The following LTBP2 variants were observed in gnomAD, a reference collection of about 807,000 sequenced individuals.
LTBP2 encodes latent transforming growth factor beta binding protein 2.
A neutral mutation model predicts 210.6 loss-of-function variants in LTBP2; 103 were observed. The ratio of observed to expected loss-of-function variants is 0.49; its 90% CI spans 0.42 to 0.58. The LOEUF (loss-of-function observed/expected upper bound fraction) is 0.58. LTBP2 is among the 20% of genes least tolerant of loss of function. The pLI is 0.00. For missense variants in LTBP2, 2,313 were observed against 2,494.5 expected (o/e 0.93, Z 1.55); for synonymous variants, 1,007 against 1,015.0 (o/e 0.99, Z 0.15).
chr14:74,541,511 A>G (rs548875265), intron 8 of LTBP2, among the ~76,000 whole-genome samples: 1 of 152,334 alleles, frequency 6.6e-6, no homozygotes, highest in Non-Finnish European at 1.5e-5. Context: ...GGATGAGGTT[A>G]TGAAACAAAC....
chr14:74,510,515 G>A (rs956496022), intron 19 of LTBP2, among the ~76,000 whole-genome samples: 3 of 152,232 alleles, frequency 2.0e-5, no homozygotes, highest in Admixed American at 2.0e-4. Context: ...TTGAAATGAG[G>A]TGTCCAAGAC....
At chr14:74,578,381 C>G (rs1054311949) in intron 3 of LTBP2, among the ~76,000 whole-genome samples, 14 of 152,310 alleles carry the variant, frequency 9.2e-5, no homozygotes, top group African/African-American at 3.1e-4. Context: ...CATTCATTTT[C>G]CCACATCAAG....
intron 3 of LTBP2, among the ~76,000 whole-genome samples, chr14:74,560,923 C>T (rs189391315): frequency 2.2e-4 from 34 of 152,244 alleles, no homozygotes; most frequent in African/African-American, 7.2e-4. Flanking sequence ...CTTGAACATC[C>T]ATGAATTTTG....
rs540233321 is a variant in LTBP2, at chr14:74,601,401, T to A, written c.565+2234A>T. Among the ~76,000 whole-genome samples, 17 of 152,082 alleles carry A rather than the reference T, an allele frequency of 1.1e-4. No individual in the cohort carries two copies. In the South Asian group the frequency reaches 3.3e-3, roughly 30 times the overall value. ...TCTCTACAAAAAATTAATTAATTAATTAAATAAAAATAAATAATGAGGGAC... is the reference window on the plus strand; with the variant it reads ...TCTCTACAAAAAATTAATTAATTAAATAAATAAAAATAAATAATGAGGGAC... On this transcript the variant is annotated intron_variant, in intron 2 of 35. Coordinates refer to ENST00000261978, the MANE Select transcript of LTBP2 (RefSeq NM_000428.3).
chr14:74,540,589 C>A (rs1463154901), intron 8 of LTBP2, among the ~76,000 whole-genome samples: 1 of 149,892 alleles, frequency 6.7e-6, no homozygotes, highest in Non-Finnish European at 1.5e-5. Flanking sequence ...CATGATGAAA[C>A]CCCATCTCTA....
intron 20 of LTBP2, 58 bp downstream of exon 20, chr14:74,510,033 G>A: frequency 6.2e-7 from 1 of 1,613,432 alleles, no homozygotes; most frequent in Non-Finnish European, 8.5e-7. Context: ...TGTGCAGAGG[G>A]GAGGGAGCCA....
chr14:74,605,308 T>C lies in LTBP2; in HGVS notation c.495-1603A>G, dbSNP rs1335275908. 1.8e-4 allele frequency among the ~76,000 whole-genome samples: 27 copies of C among 152,224 alleles called. 1 individual carries two copies. ...AAAAGCGGAGGCCCATTCCTGGCCC[T>C]TTGGCCCAAAGTTGTGGGCACTGCC... On this transcript the variant is annotated intron_variant, in intron 1 of 35. Coordinates refer to ENST00000261978, the MANE Select transcript of LTBP2 (RefSeq NM_000428.3).
chr14:74,592,075 G>A (rs761377644), intron 2 of LTBP2, among the ~76,000 whole-genome samples: 5 of 152,280 alleles, frequency 3.3e-5, no homozygotes, highest in South Asian at 2.1e-4. Flanking sequence ...GTGACCCTTC[G>A]GGAGGGAGGG....
intron 8 of LTBP2, among the ~76,000 whole-genome samples, chr14:74,548,360 T>C (rs2087604569): frequency 1.3e-5 from 2 of 152,118 alleles, no homozygotes; most frequent in African/African-American, 4.8e-5. Flanking sequence ...TCTTCATTCC[T>C]GATGCCTACC....
chr14:74,509,128 G>A, intron 22 of LTBP2, 110 bp downstream of exon 22: 2 of 1,584,484 alleles, frequency 1.3e-6, no homozygotes, highest in East Asian at 2.2e-5. Flanking sequence ...TTGGGGAGCG[G>A]GATGATGGCA....
chr14:74,511,507 G>T, intron 18 of LTBP2, 143 bp from the exon 19 acceptor site: 2 of 1,071,508 alleles, frequency 1.9e-6, no homozygotes, highest in Non-Finnish European at 2.8e-6. Flanking sequence ...GAGCTGCCCT[G>T]TGTTCCCAAC....
intron 3 of LTBP2, among the ~76,000 whole-genome samples, chr14:74,574,746 G>T (rs61980910): frequency 1.3e-5 from 2 of 152,068 alleles, no homozygotes; most frequent in Non-Finnish European, 2.9e-5. Context: ...CCCAGGATGC[G>T]GTCCATATAT....
chr14:74,565,629 G>C (rs1482421186), intron 3 of LTBP2, among the ~76,000 whole-genome samples: 1 of 152,204 alleles, frequency 6.6e-6, no homozygotes, highest in Non-Finnish European at 1.5e-5. Flanking sequence ...TGAGTGCTTG[G>C]TATCTTGAGA....
At chr14:74,575,421 G>GA (rs146598099) in intron 3 of LTBP2, among the ~76,000 whole-genome samples, 2,738 of 152,356 alleles carry the variant, frequency 0.018, 95 homozygotes, top group African/African-American at 0.063. Flanking sequence ...TTCCCAGAAA[G>GA]AAGCCAGGTC....
At chr14:74,508,779 C>T in intron 23 of LTBP2, 50 bp from the exon 24 acceptor site, 1 of 1,613,528 alleles carries the variant, frequency 6.2e-7, no homozygotes, top group Non-Finnish European at 8.5e-7. Flanking sequence ...GTGCCTGCCT[C>T]CCCACACACT....
rs558880739 is a variant in LTBP2, at chr14:74,546,633, G to A, written c.1789+3230C>T. ...TAGGGGAGGCCACCATCTGGGATGG[G>A]GCAGAGCGAGGGCAAGGGCTGAGCG... On this transcript the variant is annotated intron_variant, in intron 8 of 35. Coordinates refer to ENST00000261978, the MANE Select transcript of LTBP2 (RefSeq NM_000428.3). Among the ~76,000 whole-genome samples the A allele has an allele frequency of 2.0e-5, 3 of 152,234 alleles. No individual in the cohort carries two copies. In the East Asian group the frequency reaches 5.8e-4, roughly 29 times the overall value.
intron 34 of LTBP2, among the ~76,000 whole-genome samples, chr14:74,502,397 A>G (rs1199789975): frequency 6.6e-6 from 1 of 152,156 alleles, no homozygotes; most frequent in African/African-American, 2.4e-5. Flanking sequence ...CAGTCCCCAC[A>G]GGAAGCTTGT....
intron 3 of LTBP2, among the ~76,000 whole-genome samples, chr14:74,567,179 C>A (rs567576850): frequency 3.3e-5 from 5 of 152,198 alleles, no homozygotes; most frequent in Admixed American, 2.6e-4. Flanking sequence ...CCGGTCCCCC[C>A]TCAAGGGCAG....
intron 18 of LTBP2, among the ~76,000 whole-genome samples, chr14:74,511,592 G>C (rs1337572129): frequency 6.6e-6 from 1 of 152,216 alleles, no homozygotes; most frequent in East Asian, 1.9e-4. Flanking sequence ...AGACTCCCTG[G>C]GTGGGTGCAG....
Sources: gnomAD v4.1 joint callset for allele counts (sites outside exome capture counted in the v4.1 genomes callset) on GRCh38, gnomAD v4.1.1 for gene constraint, MANE v1.5 for transcripts, NCBI Gene and HGNC (gene_info 2026-07-23, HGNC 2026-07-21) for gene names.